Variants in FOCAD observed in about 807,000 individuals in gnomAD.
FOCAD encodes focadhesin.
In FOCAD, 198 loss-of-function variants were observed where a neutral mutation model predicts 225.6. The ratio of observed to expected loss-of-function variants is 0.88; its 90% CI spans 0.78 to 0.99. The LOEUF is 0.99. Among genes scored for constraint, FOCAD ranks in the 50% least tolerant of loss-of-function variants. The pLI is 0.00. For missense variants in FOCAD, 2,713 were observed against 2,123.6 expected (o/e 1.28, Z -5.46); for synonymous variants, 897 against 755.0 (o/e 1.19, Z -3.08).
At position 20,992,071 on chromosome 9, in the gene FOCAD, C is replaced by G. The variant is rs143125309; in HGVS notation, c.5257-1182C>G. Reference sequence around the variant, plus strand: ...CTCCCTATTTTACTCTTTCTTCAATCTAGCTTCTATATGTGAAACTAAAAT... The same window carrying G: ...CTCCCTATTTTACTCTTTCTTCAATGTAGCTTCTATATGTGAAACTAAAAT... On this transcript the variant is annotated intron_variant, in intron 42 of 43. Transcript: ENST00000338382. Among the ~76,000 whole-genome samples the G allele has an allele frequency of 6.7e-3, 1,016 of 152,286 alleles. 11 individuals are homozygous for G. Among genetic ancestry groups the G allele is most frequent in the South Asian group, 0.038 (184 of 4,830 alleles).
At chr9:20,775,529 A>G (rs964178453) in intron 8 of FOCAD, among the ~76,000 whole-genome samples, 1 of 152,240 alleles carries the variant, frequency 6.6e-6, no homozygotes, top group Non-Finnish European at 1.5e-5. Flanking sequence ...AGGGGAACAG[A>G]GTACGTAGCA....
intron 15 of FOCAD, among the ~76,000 whole-genome samples, chr9:20,854,214 G>A (rs1460483131): frequency 6.6e-6 from 1 of 151,756 alleles, no homozygotes; most frequent in African/African-American, 2.4e-5. Context: ...TTAGGAGATA[G>A]CTCTCTGTTC....
In FOCAD at chr9:20,822,994, A is replaced by G. The variant is rs753998861; in HGVS notation, c.1799A>G (p.Tyr600Cys). The change falls in exon 15 of 44, where the codon TAT becomes TGT. Residue 600 changes from tyrosine (Y) to cysteine (C), a missense_variant. Physicochemically the swap from Tyr to Cys is radical, Grantham distance 194. Transcript: ENST00000338382. ...TAAACTTTCATTTCTTGTAGGCCAT[A>G]TCAACATGGTGCAGATATGTTGGCA... Reference protein sequence around the residue: ...SIRDICKQRPYQHGADMLAAI... With the variant: ...SIRDICKQRPCQHGADMLAAI... The G allele has an allele frequency of 6.3e-7, 1 of 1,592,944 alleles. No individual in the cohort carries two copies. The highest frequency in any genetic ancestry group is 2.3e-5 in the East Asian group (1 of 43,804).
chr9:20,814,625 T>G (rs1473157415), intron 11 of FOCAD, among the ~76,000 whole-genome samples: 1 of 152,096 alleles, frequency 6.6e-6, no homozygotes, highest in Non-Finnish European at 1.5e-5. Context: ...CCCAGAGTAC[T>G]GAGATTACAG....
intron 11 of FOCAD, among the ~76,000 whole-genome samples, chr9:20,798,462 G>A (rs1407781363): frequency 6.6e-6 from 1 of 152,150 alleles, no homozygotes. Context: ...ATTCGGCTGT[G>A]AATGCATCTG....
intron 4 of FOCAD, among the ~76,000 whole-genome samples, chr9:20,737,039 A>G (rs1328772064): frequency 6.6e-6 from 1 of 152,158 alleles, no homozygotes; most frequent in Non-Finnish European, 1.5e-5. Context: ...GCTATGTGTA[A>G]CTTGATTGAT....
chr9:20,951,940 T>C (rs937920086), intron 34 of FOCAD, among the ~76,000 whole-genome samples: 8 of 152,178 alleles, frequency 5.3e-5, no homozygotes, highest in Non-Finnish European at 1.0e-4. Flanking sequence ...TTAACGTAAA[T>C]GTGGGCCTCT....
At position 20,984,591 on chromosome 9, in the gene FOCAD, G is replaced by T. The variant is rs145798005; in HGVS notation, c.4729-1697G>T. On this transcript the variant is annotated intron_variant, in intron 39 of 43. Transcript: ENST00000338382. ...TTACATTTTTGTAAATCTCCTTAATGTCTGGCTTAATAGAAGACAGCTGGA... is the reference window on the plus strand; with the variant it reads ...TTACATTTTTGTAAATCTCCTTAATTTCTGGCTTAATAGAAGACAGCTGGA... Among the ~76,000 whole-genome samples, 22 of 152,278 alleles carry T rather than the reference G, an allele frequency of 1.4e-4. No individual in the cohort carries two copies. In the East Asian group the frequency reaches 3.8e-3, roughly 27 times the overall value.
chr9:20,914,672 G>C (rs1333620665), intron 23 of FOCAD, among the ~76,000 whole-genome samples: 1 of 152,152 alleles, frequency 6.6e-6, no homozygotes, highest in African/African-American at 2.4e-5. Flanking sequence ...GTGGACATGA[G>C]AGTAGAGAAG....
intron 11 of FOCAD, among the ~76,000 whole-genome samples, chr9:20,813,069 C>G (rs188699053): frequency 3.9e-5 from 6 of 152,084 alleles, no homozygotes; most frequent in Non-Finnish European, 8.8e-5. Flanking sequence ...ACTTTCTGCT[C>G]TAAGAGTTTG....
chr9:20,880,482 C>T (rs1830576585), intron 19 of FOCAD, among the ~76,000 whole-genome samples: 2 of 152,172 alleles, frequency 1.3e-5, no homozygotes, highest in African/African-American at 2.4e-5. Context: ...TGGTTGAAAC[C>T]AACCAGAAGC....
rs571192360 is a variant in FOCAD at position 20,713,955 on chromosome 9, A to G, written c.-32-1367A>G. Among the ~76,000 whole-genome samples the G allele has an allele frequency of 2.6e-5, 4 of 152,312 alleles. No homozygotes were observed. The South Asian group carries it at 8.3e-4, about 32-fold the overall frequency. ...ATAGGAAAATAGTTTGCAATCTTAG[A>G]ACAAGTTGTTTTAGTGTTGTGGAAT... is the stretch of plus-strand genomic sequence containing the variant. On this transcript the variant is annotated intron_variant, in intron 1 of 43. Coordinates refer to ENST00000338382, the MANE Select transcript of FOCAD (RefSeq NM_001375567.1).
At chr9:20,761,551 G>A (rs1829600414) in intron 6 of FOCAD, among the ~76,000 whole-genome samples, 1 of 152,112 alleles carries the variant, frequency 6.6e-6, no homozygotes, top group African/African-American at 2.4e-5. Context: ...CTCCTGGGTA[G>A]CTGGGACTAC....
intron 5 of FOCAD, among the ~76,000 whole-genome samples, chr9:20,748,072 T>G (rs7033386): frequency 0.031 from 4,682 of 152,090 alleles, 249 homozygotes; most frequent in African/African-American, 0.1. Flanking sequence ...GATTATTTCA[T>G]TACTTGAATA....
intron 15 of FOCAD, among the ~76,000 whole-genome samples, chr9:20,854,405 T>C (rs749150212): frequency 6.6e-6 from 1 of 151,768 alleles, no homozygotes; most frequent in Non-Finnish European, 1.5e-5. Context: ...GTGCTGTACA[T>C]AGAGCAGGTG....
chr9:20,737,636 G>A (rs1827256625), intron 4 of FOCAD, among the ~76,000 whole-genome samples: 1 of 152,156 alleles, frequency 6.6e-6, no homozygotes, highest in Admixed American at 6.5e-5. Context: ...TCTTTCTCCA[G>A]GACAGACCAA....
At chr9:20,741,748 C>A (rs1168954230) in intron 5 of FOCAD, among the ~76,000 whole-genome samples, 2 of 128,106 alleles carry the variant, frequency 1.6e-5, no homozygotes, top group South Asian at 5.0e-4. Context: ...TATCCATTGC[C>A]TTGGCTAGAA....
chr9:20,850,760 A>T (rs1827566322), intron 15 of FOCAD, among the ~76,000 whole-genome samples: 1 of 150,696 alleles, frequency 6.6e-6, no homozygotes, highest in Non-Finnish European at 1.5e-5. Context: ...TCTGGTACAT[A>T]ATTGCTCTTT....
chr9:20,901,478 A>G (rs1416709564), intron 21 of FOCAD, among the ~76,000 whole-genome samples: 1 of 151,932 alleles, frequency 6.6e-6, no homozygotes, highest in African/African-American at 2.4e-5. Flanking sequence ...CCTGATTTAT[A>G]GTATTTAATG....
Sources: gnomAD v4.1 joint callset for allele counts (sites outside exome capture counted in the v4.1 genomes callset) on GRCh38, gnomAD v4.1.1 for gene constraint, MANE v1.5 for transcripts, NCBI Gene and HGNC (gene_info 2026-07-23, HGNC 2026-07-21) for gene names.